MAML2: variants seen among roughly 807,000 people sequenced by gnomAD.
MAML2 encodes the protein mastermind-like protein 2.
MAML2 carries 22 observed loss-of-function variants against 96.1 expected under a neutral mutation model. The ratio of observed to expected loss-of-function variants is 0.23; its 90% CI spans 0.16 to 0.33. MAML2 has a LOEUF of 0.33. Ranked by LOEUF, MAML2 falls within the 10% of genes least tolerant of loss-of-function variation. MAML2 has a pLI of 1.00. For synonymous variants in MAML2, 561 were observed against 521.3 expected (o/e 1.08, Z -1.04); for missense variants, 1,367 against 1,392.4 (o/e 0.98, Z 0.29).
At position 96,163,862 on chromosome 11, in the gene MAML2, CTTTTTTTTT is replaced by C. The variant is rs67666403; in HGVS notation, c.514-70354_514-70346del. 2.5e-5 allele frequency among the ~76,000 whole-genome samples: 3 copies of C among 122,316 alleles called. No individual in the cohort carries two copies. The South Asian group carries it at 8.1e-4, about 33-fold the overall frequency. 80.2% of individuals were successfully genotyped at this position (122,316 alleles called of 152,430 possible). A position where few individuals can be genotyped will look rare whatever the true frequency, so the allele number is the denominator to read the frequency against. On this transcript the variant is annotated intron_variant, in intron 1 of 4. Coordinates refer to ENST00000524717, the MANE Select transcript of MAML2 (RefSeq NM_032427.4). Reference sequence around the variant, plus strand: ...AATACTGAGCTTTCTTTCTCTCTTTCTTTTTTTTTTTTTTTTTGAGATGGAGTTTTGCTC... The same window carrying C: ...AATACTGAGCTTTCTTTCTCTCTTTCTTTTTTTTGAGATGGAGTTTTGCTC...
chr11:96,092,964 G>C lies in MAML2; in HGVS notation c.1067C>G (p.Ser356Cys), dbSNP rs1859755031. ...GATCACTATTTTCTCCATGGGTAAGGAGGGCCTAGGTGTGCTCCTCTGGCT... is the reference window on the plus strand; with the variant it reads ...GATCACTATTTTCTCCATGGGTAAGCAGGGCCTAGGTGTGCTCCTCTGGCT... ...QQSQRSTPRP[S>C]LPMEKIVIKS... The change falls in exon 2 of 5, where the codon TCC becomes TGC. Residue 356 changes from serine to cysteine, a missense_variant. By Grantham distance (112) the Ser-to-Cys change is moderately radical. Transcript: ENST00000524717. The surrounding 1 kb of genome is among the most constrained non-coding windows in gnomAD (Gnocchi z 4.1). 3 of 1,613,498 alleles carry C rather than the reference G, an allele frequency of 1.9e-6. No individual in the cohort carries two copies. Among genetic ancestry groups the C allele is most frequent in the Non-Finnish European group, 2.5e-6 (3 of 1,179,682 alleles).
At chr11:96,077,217 CTCT>C (rs1859455199) in intron 2 of MAML2, among the ~76,000 whole-genome samples, 2 of 38,520 alleles carry the variant, frequency 5.2e-5, no homozygotes, top group South Asian at 1.5e-3. Flanking sequence ...AACTCTCTCT[CTCT>C]TTTTTTTTTT....
intron 1 of MAML2, among the ~76,000 whole-genome samples, chr11:96,279,110 A>G (rs983844865): frequency 6.6e-6 from 1 of 152,224 alleles, no homozygotes; most frequent in South Asian, 2.1e-4. Context: ...TGAAGACTAC[A>G]AGAGAAAAAA....
intron 1 of MAML2, among the ~76,000 whole-genome samples, chr11:96,229,710 C>A (rs1862264094): frequency 6.6e-6 from 1 of 151,658 alleles, no homozygotes; most frequent in South Asian, 2.1e-4. Context: ...TGCATTATAC[C>A]AGTATAAAAG....
At chr11:96,153,995 G>T (rs1004042974) in intron 1 of MAML2, among the ~76,000 whole-genome samples, 1 of 152,006 alleles carries the variant, frequency 6.6e-6, no homozygotes, top group Admixed American at 6.6e-5. Flanking sequence ...TTGTCACAAG[G>T]AATAAAGATG....
intron 2 of MAML2, among the ~76,000 whole-genome samples, chr11:96,057,051 C>T (rs554001277): frequency 1.6e-4 from 25 of 152,056 alleles, no homozygotes; most frequent in Non-Finnish European, 1.0e-4. Flanking sequence ...AAATGCAGCC[C>T]GAGAAGTATA....
At chr11:96,210,806 T>C (rs965165667) in intron 1 of MAML2, among the ~76,000 whole-genome samples, 1 of 152,242 alleles carries the variant, frequency 6.6e-6, no homozygotes, top group Non-Finnish European at 1.5e-5. Context: ...CTGCATACCA[T>C]GATACTTTTA....
intron 2 of MAML2, among the ~76,000 whole-genome samples, chr11:96,047,910 CAAAAA>C (rs71459784): frequency 1.4e-3 from 119 of 82,464 alleles, no homozygotes; most frequent in African/African-American, 3.9e-3. Flanking sequence ...GACTCTGCCT[CAAAAA>C]AAAAAAAAAA....
At chr11:96,067,142 A>C (rs1859257962) in intron 2 of MAML2, among the ~76,000 whole-genome samples, 1 of 152,202 alleles carries the variant, frequency 6.6e-6, no homozygotes, top group South Asian at 2.1e-4. Flanking sequence ...GTCCCTTGTG[A>C]CATATCACAA....
chr11:96,098,365 G>T (rs1248739004), intron 1 of MAML2, among the ~76,000 whole-genome samples: 1 of 152,176 alleles, frequency 6.6e-6, no homozygotes, highest in Non-Finnish European at 1.5e-5. Context: ...GGATGTAAAG[G>T]CTTCCAATCA....
intron 2 of MAML2, among the ~76,000 whole-genome samples, chr11:96,076,579 A>G (rs898151412): frequency 6.6e-6 from 1 of 152,054 alleles, no homozygotes; most frequent in Admixed American, 6.6e-5. Context: ...AGGGAATCCC[A>G]TTCCCATGGA....
intron 1 of MAML2, among the ~76,000 whole-genome samples, chr11:96,323,499 C>T (rs937805581): frequency 1.5e-4 from 23 of 149,688 alleles, no homozygotes; most frequent in Non-Finnish European, 2.8e-4. Context: ...AAAAAAAACC[C>T]ATCTGCATGC....
intron 1 of MAML2, among the ~76,000 whole-genome samples, chr11:96,296,416 G>A (rs762118471): frequency 6.6e-5 from 10 of 152,094 alleles, no homozygotes; most frequent in South Asian, 2.1e-4. Flanking sequence ...AGGCAGAGGC[G>A]AGCGGATCCG....
intron 1 of MAML2, among the ~76,000 whole-genome samples, chr11:96,211,513 A>T (rs958653888): frequency 2.6e-5 from 4 of 151,956 alleles, no homozygotes; most frequent in Non-Finnish European, 5.9e-5. Flanking sequence ...GGTGAGACAG[A>T]TGTAAAAAGA....
chr11:96,172,876 AGTAGTTCTCTTTCATAT>A (rs1469864979), intron 1 of MAML2, among the ~76,000 whole-genome samples: 1 of 152,226 alleles, frequency 6.6e-6, no homozygotes, highest in Non-Finnish European at 1.5e-5. Flanking sequence ...GAAAAACATG[AGTAGTTCTCTTTCATAT>A]GTTTTCCAGC....
intron 1 of MAML2, among the ~76,000 whole-genome samples, chr11:96,261,794 T>C (rs1862754211): frequency 6.6e-6 from 1 of 152,282 alleles, no homozygotes; most frequent in Non-Finnish European, 1.5e-5. Context: ...AATGTTATTG[T>C]CTAAACAGTT....
chr11:96,057,493 G>C (rs1859088334), intron 2 of MAML2, among the ~76,000 whole-genome samples: 1 of 152,034 alleles, frequency 6.6e-6, no homozygotes, highest in Admixed American at 6.6e-5. Flanking sequence ...ATCTAGACCT[G>C]GTAACCAAAA....
intron 1 of MAML2, among the ~76,000 whole-genome samples, chr11:96,115,731 A>C (rs1860223931): frequency 6.6e-6 from 1 of 152,166 alleles, no homozygotes; most frequent in Non-Finnish European, 1.5e-5. Flanking sequence ...GAGAAACATA[A>C]AGCACAGTAA....
chr11:96,234,318 C>A (rs1862337624), intron 1 of MAML2, among the ~76,000 whole-genome samples: 1 of 152,086 alleles, frequency 6.6e-6, no homozygotes, highest in Non-Finnish European at 1.5e-5. Context: ...CATGTCTCTA[C>A]TAAAAATACA....
Sources: gnomAD v4.1 joint callset for allele counts (sites outside exome capture counted in the v4.1 genomes callset) on GRCh38, gnomAD v4.1.1 for gene constraint, Gnocchi (gnomAD v3.1) non-coding constraint, MANE v1.5 for transcripts, NCBI Gene and HGNC (gene_info 2026-07-23, HGNC 2026-07-21) for gene names.